Variants in ATP13A1 observed in about 807,000 individuals in gnomAD.
The protein encoded by ATP13A1 is ATPase 13A1, also known as endoplasmic reticulum transmembrane helix translocase.
In ATP13A1, 55 loss-of-function variants were observed where a neutral mutation model predicts 134.8. The observed-to-expected ratio is 0.41, with a 90% CI of 0.33 to 0.51. The LOEUF is 0.51. Among genes scored for constraint, ATP13A1 ranks in the 20% least tolerant of loss-of-function variants. The pLI is 0.29. For missense variants in ATP13A1, 1,389 were observed against 1,652.8 expected, an observed-to-expected ratio of 0.84 and a Z score of 2.77; for synonymous variants, 775 against 725.1, an observed-to-expected ratio of 1.07 and a Z score of -1.10.
At chr19:19,662,181 C>G (rs1296101594) in intron 1 of ATP13A1, 2 of 1,549,172 alleles carry the variant, frequency 1.3e-6, no homozygotes, top group Non-Finnish European at 1.7e-6. Context: ...GAAGTTTGAG[C>G]GGTGCCACAG....
chr19:19,647,640 A>G lies in ATP13A1; in HGVS notation c.2752T>C (p.Ser918Pro), dbSNP rs533837059. 1.2e-6 allele frequency: 2 copies of G among 1,612,978 alleles called. No homozygotes were observed. Among genetic ancestry groups the G allele is most frequent in the South Asian group, 1.1e-5 (1 of 91,050 alleles). Reference protein sequence around the residue: ...RATSRTAKQRSGLPPSEEQPT... With the variant: ...RATSRTAKQRPGLPPSEEQPT... ...TGCTCCTCGGAGGGAGGGAGCCCCG[A>G]CCGCTGCTTGGCTGTCCTGGAGGTG... Residue 918 changes from serine to proline, a missense_variant, in exon 20 of 26, where the codon TCG becomes CCG. Transcript: ENST00000357324. This position sits in a 1 kb window ranked among gnomAD's most constrained non-coding sequence, Gnocchi z 4.8.
At chr19:19,661,132 AAAC>A (rs1009084592) in intron 1 of ATP13A1, among the ~76,000 whole-genome samples, 11 of 152,130 alleles carry the variant, frequency 7.2e-5, no homozygotes, top group African/African-American at 1.7e-4. Flanking sequence ...ACAAAAACAA[AAAC>A]AACAACAAAA....
In ATP13A1 at chr19:19,645,274, T is replaced by C; in HGVS notation, c.*148A>G. Reference sequence around the variant, plus strand: ...TGGTTCTGCTGGCCAAGCCAGCGGATGGCTGTGGGGGTCCCAGCTCAGTCT... The same window carrying C: ...TGGTTCTGCTGGCCAAGCCAGCGGACGGCTGTGGGGGTCCCAGCTCAGTCT... On this transcript the variant is annotated 3_prime_UTR_variant, in exon 26 of 26. Transcript: ENST00000357324. The surrounding 1 kb of genome is among the most constrained non-coding windows in gnomAD (Gnocchi z 4.1). The C allele has an allele frequency of 1.0e-5, 9 of 859,536 alleles. No homozygotes were observed. The highest frequency in any genetic ancestry group is 1.6e-5 in the Non-Finnish European group (9 of 557,470). The allele number at this position is 859,536 out of a possible 1,614,324, so 53.2% of individuals were successfully genotyped here. A position where few individuals can be genotyped will look rare whatever the true frequency, so the allele number is the denominator to read the frequency against.
chr19:19,648,682 G>A (rs149060408), intron 19 of ATP13A1, among the ~76,000 whole-genome samples: 4,113 of 149,852 alleles, frequency 0.027, 68 homozygotes, highest in African/African-American at 0.042. Context: ...GGTGGCTGGC[G>A]CCTGTAATCC....
At chr19:19,652,937 C>A in intron 15 of ATP13A1, 1 of 608,316 alleles carries the variant, frequency 1.6e-6, no homozygotes, top group Non-Finnish European at 2.8e-6. Context: ...CTGGGTCCCC[C>A]GAATGTGGCT....
rs1431101333 is a variant in ATP13A1 at position 19,657,047 on chromosome 19, TCTG to T, written c.850_852del (p.Gln284del). ...TTCCGGATCTCCGACATGTTCCGCA[TCTG>T]CTGCTGCACCAGCGAGGCCTCGAAC... On this transcript the variant is annotated inframe_deletion, in exon 5 of 26. Coordinates refer to ENST00000357324, the MANE Select transcript of ATP13A1 (RefSeq NM_020410.3). The T allele has an allele frequency of 6.4e-7, 1 of 1,568,460 alleles. No individual in the cohort carries two copies. Among genetic ancestry groups the T allele is most frequent in the Middle Eastern group, 1.7e-4 (1 of 5,844 alleles).
At chr19:19,646,450 G>C in intron 22 of ATP13A1, 103 bp from the exon 23 acceptor site, 1 of 1,370,498 alleles carries the variant, frequency 7.3e-7, no homozygotes, top group Non-Finnish European at 1.0e-6. Context: ...GAGACCTTGT[G>C]TACAGCCACC....
chr19:19,660,412 C>T (rs1266978569), intron 1 of ATP13A1: 8 of 176,456 alleles, frequency 4.5e-5, no homozygotes, highest in South Asian at 1.1e-4. Flanking sequence ...AACTGGGAGG[C>T]GGAGGTTGCA....
Position 19,655,642 on chromosome 19 carries a change from G to T in ATP13A1, c.1282C>A (p.Arg428Ser). The change falls in exon 10 of 26, where the codon CGC (arginine) becomes AGC (serine). Residue 428 changes from arginine (R) to serine (S), a missense_variant. Physicochemically the swap from Arg to Ser is moderately radical, Grantham distance 110 (BLOSUM62 -1). Transcript: ENST00000357324. This position sits in a 1 kb window ranked among gnomAD's most constrained non-coding sequence, Gnocchi z 5.7. Reference sequence around the variant, plus strand: ...CTCTTGACCCCGAAGAGGATGGTGCGCAGCAGCTTGCCCTGGAGGAATGGA... The same window carrying T: ...CTCTTGACCCCGAAGAGGATGGTGCTCAGCAGCTTGCCCTGGAGGAATGGA... ...GFNTSQGKLL[R>S]TILFGVKRVT... is the part of the protein sequence containing the mutation. 6.2e-7 allele frequency: 1 copy of T among 1,612,922 alleles called. No individual in the cohort carries two copies. The highest frequency in any genetic ancestry group is 8.5e-7 in the Non-Finnish European group (1 of 1,179,500).
Position 19,653,534 on chromosome 19 carries a change from A to C in ATP13A1, c.2100+250T>G, listed in dbSNP as rs1599432116. The C allele has an allele frequency of 2.2e-5, 12 of 551,846 alleles. No homozygotes were observed. In the East Asian group the frequency reaches 3.7e-4, roughly 17 times the overall value. The allele number at this position is 551,846 out of a possible 1,614,324, so 34.2% of individuals were successfully genotyped here. A position where few individuals can be genotyped will look rare whatever the true frequency, so the allele number is the denominator to read the frequency against. ...GCCCAAGACCAGGGCAAAAGAGTAGAGCTAGGGACACACCAGGACTGGGGC... is the reference window on the plus strand; with the variant it reads ...GCCCAAGACCAGGGCAAAAGAGTAGCGCTAGGGACACACCAGGACTGGGGC... On this transcript the variant is annotated intron_variant, in intron 15 of 25. Coordinates refer to ENST00000357324, the MANE Select transcript of ATP13A1 (RefSeq NM_020410.3). This position sits in a 1 kb window ranked among gnomAD's most constrained non-coding sequence, Gnocchi z 4.2.
rs1167759555 is a variant in ATP13A1, at chr19:19,663,599, T to C, written c.68A>G (p.Asp23Gly). Residue 23 changes from aspartate to glycine, a missense_variant, in exon 1 of 26, where the codon GAC (aspartate) becomes GGC (glycine). Coordinates refer to ENST00000357324, the MANE Select transcript of ATP13A1 (RefSeq NM_020410.3). ...CTGCGGCCCGGGCTTGGGCTGCCCG[T>C]CAGGCCGGACCCCGCAAGGCCGGGC... ...CGARPCGVRP[D>G]GQPKPGPQPR... 1.4e-6 allele frequency: 2 copies of C among 1,437,810 alleles called. No homozygotes were observed. The highest frequency in any genetic ancestry group is 3.0e-5 in the African/African-American group (2 of 66,620). 89.1% of individuals were successfully genotyped at this position (1,437,810 alleles called of 1,614,324 possible). A position where few individuals can be genotyped will look rare whatever the true frequency, so the allele number is the denominator to read the frequency against.
rs1388391379 is a variant in ATP13A1 at position 19,653,228 on chromosome 19, G to A, written c.2101-508C>T. On this transcript the variant is annotated intron_variant, in intron 15 of 25. Coordinates refer to ENST00000357324, the MANE Select transcript of ATP13A1 (RefSeq NM_020410.3). This position sits in a 1 kb window ranked among gnomAD's most constrained non-coding sequence, Gnocchi z 4.2. ...ATCCAGAGAGGGTGGAAAGGCCTCA[G>A]AAGTGGCCACTATGAAGGCGATGAG... 5.4e-6 allele frequency: 1 copy of A among 183,576 alleles called. No individual in the cohort carries two copies. The highest frequency in any genetic ancestry group is 1.2e-5 in the Non-Finnish European group (1 of 86,350). 11.4% of individuals were successfully genotyped at this position (183,576 alleles called of 1,614,324 possible). A position where few individuals can be genotyped will look rare whatever the true frequency, so the allele number is the denominator to read the frequency against.
chr19:19,661,500 C>G (rs1350382989), intron 1 of ATP13A1, among the ~76,000 whole-genome samples: 1 of 152,220 alleles, frequency 6.6e-6, no homozygotes, highest in Non-Finnish European at 1.5e-5. Flanking sequence ...CCCTCCCTGG[C>G]TGCCCCATCT....
Position 19,655,784 on chromosome 19 carries a change from A to G in ATP13A1, c.1269+94T>C. On this transcript the variant is annotated intron_variant, in intron 9 of 25. Transcript: ENST00000357324. The surrounding 1 kb of genome is among the most constrained non-coding windows in gnomAD (Gnocchi z 5.7). ...GGTCCAGGGCCGTGCTGCCAGAGTC[A>G]GCCCGTGGGGCAGATGTTCTGGGGT... 1.3e-6 allele frequency: 2 copies of G among 1,534,700 alleles called. No individual in the cohort carries two copies. Among genetic ancestry groups the G allele is most frequent in the Non-Finnish European group, 1.8e-6 (2 of 1,140,746 alleles).
In ATP13A1 at chr19:19,649,930, G is replaced by A. The variant is rs755270116; in HGVS notation, c.2346C>T (p.Cys782=). Residue 782 remains cysteine, a synonymous_variant, in exon 18 of 26, where the codon TGC becomes TGT. Coordinates refer to ENST00000357324, the MANE Select transcript of ATP13A1 (RefSeq NM_020410.3). ...TGCTGCCGTCAATGGAGCGCCACTC[G>A]CACTGCCGGCCTGCGGGCAGCACCT... ...LQPPSEKGRQ[C]EWRSIDGSIV... 1.4e-5 allele frequency: 22 copies of A among 1,591,600 alleles called. No homozygotes were observed. Among genetic ancestry groups the A allele is most frequent in the Non-Finnish European group, 1.7e-5 (20 of 1,177,110 alleles).
chr19:19,651,519 C>G (rs537714072), intron 17 of ATP13A1, 170 bp downstream of exon 17: 10 of 503,956 alleles, frequency 2.0e-5, no homozygotes, highest in Non-Finnish European at 3.5e-5. Context: ...ACCCAGTGAA[C>G]GCTCACATGC....
At chr19:19,648,094 G>A (rs949644446) in intron 19 of ATP13A1, among the ~76,000 whole-genome samples, 25 of 152,114 alleles carry the variant, frequency 1.6e-4, no homozygotes, top group Non-Finnish European at 4.4e-5. Flanking sequence ...TGAGGTGGGC[G>A]GATCACCTGA....
chr19:19,645,665 G>A lies in ATP13A1; in HGVS notation c.3486C>T (p.Leu1162=), dbSNP rs772224519. 34 of 1,572,582 alleles carry A rather than the reference G, an allele frequency of 2.2e-5. No homozygotes were observed. The highest frequency in any genetic ancestry group is 5.4e-5 in the African/African-American group (4 of 74,022). The change falls in exon 25 of 26, where the codon CTC becomes CTT. Residue 1162 remains leucine (L), a synonymous_variant. Coordinates refer to ENST00000357324, the MANE Select transcript of ATP13A1 (RefSeq NM_020410.3). This position sits in a 1 kb window ranked among gnomAD's most constrained non-coding sequence, Gnocchi z 4.1. The part of the protein sequence containing the change: ...SSPDFNSQFG[L]VDIPVEFKLV... ...CACTGACCTCCACAGGGATGTCCACGAGGCCAAACTGGCTGTTGAAGTCGG... is the reference window on the plus strand; with the variant it reads ...CACTGACCTCCACAGGGATGTCCACAAGGCCAAACTGGCTGTTGAAGTCGG...
chr19:19,649,706 C>T (rs369770411), intron 18 of ATP13A1, 35 bp downstream of exon 18: 66 of 1,613,376 alleles, frequency 4.1e-5, no homozygotes, highest in East Asian at 1.3e-4. Context: ...GCGTGCCTAC[C>T]GCTGTGCCCC....
Sources: allele counts gnomAD v4.1 joint callset (sites outside exome capture counted in the v4.1 genomes callset), GRCh38; gene constraint gnomAD v4.1.1; non-coding constraint Gnocchi (gnomAD v3.1); transcripts MANE v1.5; gene names NCBI Gene and HGNC (gene_info 2026-07-23, HGNC 2026-07-21).